The following MTBP variants were observed in gnomAD, a reference collection of about 807,000 sequenced individuals.
The protein encoded by MTBP is mdm2-binding protein.
MTBP carries 101 observed loss-of-function variants against 117.0 expected under a neutral mutation model. That is an observed-to-expected ratio of 0.86 (90% CI 0.73 to 1.02). The LOEUF (loss-of-function observed/expected upper bound fraction) is 1.02, where lower values mean the gene tolerates loss of function less well. Ranked by LOEUF, MTBP falls within the 50% of genes least tolerant of loss-of-function variation. The pLI is 0.00. For missense variants in MTBP, 970 were observed against 1,030.9 expected (o/e 0.94, Z 0.81); for synonymous variants, 350 against 351.5 (o/e 1.00, Z 0.05).
At chr8:120,472,528 G>A (rs1813839098) in intron 11 of MTBP, 1 of 152,332 alleles carries the variant, frequency 6.6e-6, no homozygotes, top group African/African-American at 2.4e-5. Flanking sequence ...TGATGTGGGT[G>A]TTTTGAACTT....
intron 1 of MTBP, 72 bp downstream of exon 1, chr8:120,445,660 T>G (rs1813209307): frequency 7.8e-7 from 1 of 1,279,036 alleles, no homozygotes. Context: ...TGTGATCAAG[T>G]TCTGCTGAAG....
chr8:120,457,403 G>T (rs1813491640), intron 7 of MTBP, among the ~76,000 whole-genome samples: 1 of 152,152 alleles, frequency 6.6e-6, no homozygotes, highest in Non-Finnish European at 1.5e-5. Flanking sequence ...TAGCATGGGA[G>T]CATGAGTAGA....
chr8:120,449,876 G>C (rs1813302386), intron 2 of MTBP, among the ~76,000 whole-genome samples: 1 of 152,140 alleles, frequency 6.6e-6, no homozygotes, highest in Non-Finnish European at 1.5e-5. Flanking sequence ...TCTTTCAGTG[G>C]CATATTGGAG....
chr8:120,456,910 A>G (rs952519484), intron 7 of MTBP, among the ~76,000 whole-genome samples: 4 of 152,102 alleles, frequency 2.6e-5, no homozygotes, highest in Non-Finnish European at 5.9e-5. Context: ...TTTTTATTTG[A>G]TTTTAATTAA....
At chr8:120,519,124 G>C (rs778327338) in intron 20 of MTBP, among the ~76,000 whole-genome samples, 40 of 151,198 alleles carry the variant, frequency 2.6e-4, no homozygotes, top group Non-Finnish European at 3.8e-4. Flanking sequence ...CCATATCTGT[G>C]GGTTCTATAT....
intron 6 of MTBP, 110 bp from the exon 7 acceptor site, chr8:120,456,443 C>A: frequency 1.6e-6 from 1 of 629,554 alleles, no homozygotes; most frequent in Non-Finnish European, 2.8e-6. Flanking sequence ...AGGAAAAATA[C>A]AGCAATATAA....
intron 7 of MTBP, 129 bp from the exon 8 acceptor site, chr8:120,459,086 T>G: frequency 1.3e-6 from 1 of 745,430 alleles, no homozygotes; most frequent in Non-Finnish European, 2.1e-6. Flanking sequence ...AAGCACACTT[T>G]TGAGCTGAGG....
intron 9 of MTBP, among the ~76,000 whole-genome samples, chr8:120,462,438 G>T (rs1304065507): frequency 6.6e-6 from 1 of 152,170 alleles, no homozygotes; most frequent in South Asian, 2.1e-4. Context: ...ATAACATGAG[G>T]TGAGCCATTT....
Position 120,495,561 on chromosome 8 carries a change from TCTCTGGAG to T in MTBP, c.1448-1819_1448-1812del, listed in dbSNP as rs558362542. 1.5e-3 allele frequency among the ~76,000 whole-genome samples: 225 copies of T among 152,250 alleles called. 2 individuals are homozygous for T. The highest frequency in any genetic ancestry group is 5.1e-3 in the African/African-American group (211 of 41,564). On this transcript the variant is annotated intron_variant, in intron 13 of 21. Transcript: ENST00000305949. ...CTCCCATTCTCTCTCTCTCTTTCTC[TCTCTGGAG>T]CTCTGGAGCTCTTACTAGATATTGA...
chr8:120,489,620 T>G (rs1371963680), intron 12 of MTBP, among the ~76,000 whole-genome samples: 2 of 152,172 alleles, frequency 1.3e-5, no homozygotes, highest in Admixed American at 6.5e-5. Context: ...GGTTACCAAT[T>G]TGTCCTAGTC....
intron 8 of MTBP, among the ~76,000 whole-genome samples, chr8:120,459,998 A>G (rs1428362172): frequency 6.6e-6 from 1 of 152,148 alleles, no homozygotes; most frequent in African/African-American, 2.4e-5. Context: ...AGAGATATTT[A>G]TATGAAGGTA....
rs558610379 is a variant in MTBP at position 120,492,205 on chromosome 8, T to G, written c.1447+1635T>G. 6.0e-4 allele frequency among the ~76,000 whole-genome samples: 91 copies of G among 152,264 alleles called. 1 individual carries two copies. The highest frequency in any genetic ancestry group is 6.8e-3 in the Middle Eastern group (2 of 294). On this transcript the variant is annotated intron_variant, in intron 13 of 21. Coordinates refer to ENST00000305949, the MANE Select transcript of MTBP (RefSeq NM_022045.5). ...CAGATAAATGATCCAGTTAATCTAT[T>G]TATGATGAAAATACTTACTGAACAA...
At chr8:120,513,042 T>C (rs1814845559) in intron 17 of MTBP, among the ~76,000 whole-genome samples, 2 of 152,080 alleles carry the variant, frequency 1.3e-5, no homozygotes, top group African/African-American at 4.8e-5. Flanking sequence ...TAAGGCAAGT[T>C]AAAATATTAA....
chr8:120,485,113 C>G (rs1334328751), intron 11 of MTBP, among the ~76,000 whole-genome samples: 1 of 152,122 alleles, frequency 6.6e-6, no homozygotes, highest in Non-Finnish European at 1.5e-5. Flanking sequence ...ATGAATAATG[C>G]TGCTCTGAAT....
intron 7 of MTBP, among the ~76,000 whole-genome samples, chr8:120,458,046 T>C (rs1308037567): frequency 6.6e-6 from 1 of 152,104 alleles, no homozygotes; most frequent in Admixed American, 6.5e-5. Context: ...TGAAACTGCA[T>C]GCTTACATAC....
In MTBP at chr8:120,472,001, T is replaced by A. The variant is rs540588464; in HGVS notation, c.1165+1064T>A. The A allele has an allele frequency of 2.6e-5, 4 of 152,334 alleles. No homozygotes were observed. The South Asian group carries it at 8.3e-4, about 32-fold the overall frequency. 9.4% of individuals were successfully genotyped at this position (152,334 alleles called of 1,614,324 possible). A position where few individuals can be genotyped will look rare whatever the true frequency, so the allele number is the denominator to read the frequency against. On this transcript the variant is annotated intron_variant, in intron 11 of 21. Coordinates refer to ENST00000305949, the MANE Select transcript of MTBP (RefSeq NM_022045.5). ...CCCAAAGTCACATTGGTGAAGTGTG[T>A]TCCATCATACTTTGGCCTTGATGTG...
chr8:120,459,599 T>C (rs1305877205), intron 8 of MTBP, among the ~76,000 whole-genome samples: 2 of 152,160 alleles, frequency 1.3e-5, no homozygotes, highest in African/African-American at 4.8e-5. Flanking sequence ...CACCTTTGGT[T>C]TGGACTTTAC....
chr8:120,454,199 G>T (rs1017192047), intron 5 of MTBP, among the ~76,000 whole-genome samples: 2 of 152,044 alleles, frequency 1.3e-5, no homozygotes, highest in African/African-American at 4.8e-5. Context: ...GCTACAGACT[G>T]TTGCTTTTCA....
chr8:120,513,160 G>C (rs994847613), intron 17 of MTBP, among the ~76,000 whole-genome samples: 18 of 152,024 alleles, frequency 1.2e-4, no homozygotes, highest in African/African-American at 4.3e-4. Context: ...AAACTCTGCT[G>C]TCATACTCTG....
Sources: allele counts gnomAD v4.1 joint callset (sites outside exome capture counted in the v4.1 genomes callset), GRCh38; gene constraint gnomAD v4.1.1; transcripts MANE v1.5; gene names NCBI Gene and HGNC (gene_info 2026-07-23, HGNC 2026-07-21).